SNTG1: variants seen among roughly 807,000 people sequenced by gnomAD.
The protein encoded by SNTG1 is gamma-1-syntrophin.
SNTG1 carries 39 observed loss-of-function variants against 74.7 expected under a neutral mutation model. That is an observed-to-expected ratio of 0.52 (90% CI 0.40 to 0.68). SNTG1 has a LOEUF of 0.68. SNTG1 is among the 30% of genes least tolerant of loss of function. The pLI is 0.00. For synonymous variants in SNTG1, 254 were observed against 217.1 expected (o/e 1.17, Z -1.49); for missense variants, 685 against 609.5 (o/e 1.12, Z -1.30).
intron 2 of SNTG1, among the ~76,000 whole-genome samples, chr8:50,312,435 T>C (rs111405212): frequency 0.068 from 9,452 of 138,860 alleles, 649 homozygotes; most frequent in South Asian, 0.12. Flanking sequence ...AGATAAAACA[T>C]AATATTTTTA....
chr8:49,949,484 T>C (rs545399127), intron 1 of SNTG1, among the ~76,000 whole-genome samples: 2 of 152,312 alleles, frequency 1.3e-5, no homozygotes, highest in East Asian at 3.9e-4. Context: ...CCTGGTATTA[T>C]AGTTGCTATT....
At chr8:50,355,451 A>G (rs2091791839) in intron 2 of SNTG1, among the ~76,000 whole-genome samples, 1 of 152,174 alleles carries the variant, frequency 6.6e-6, no homozygotes, top group African/African-American at 2.4e-5. Context: ...TTATGTTAGT[A>G]TTTTTGGGTG....
At chr8:50,314,243 T>C (rs1272524522) in intron 2 of SNTG1, among the ~76,000 whole-genome samples, 2 of 149,402 alleles carry the variant, frequency 1.3e-5, no homozygotes, top group African/African-American at 5.0e-5. Flanking sequence ...TCCCTCATAC[T>C]ATATGTCTTG....
chr8:49,929,720 A>T (rs934881354), intron 1 of SNTG1, among the ~76,000 whole-genome samples: 14 of 151,614 alleles, frequency 9.2e-5, no homozygotes, highest in Non-Finnish European at 1.5e-4. Flanking sequence ...TTTTTTTTTA[A>T]TTTTTTTTAT....
At chr8:50,150,349 T>C (rs1160267390) in intron 1 of SNTG1, among the ~76,000 whole-genome samples, 1 of 152,190 alleles carries the variant, frequency 6.6e-6, no homozygotes, top group Non-Finnish European at 1.5e-5. Flanking sequence ...ACAGGGACAA[T>C]TTGACTACCT....
chr8:50,440,271 A>G (rs1587637448), intron 5 of SNTG1, among the ~76,000 whole-genome samples: 1 of 152,038 alleles, frequency 6.6e-6, no homozygotes, highest in East Asian at 1.9e-4. Flanking sequence ...CAAGACTTTT[A>G]TTTAGAATAT....
chr8:50,024,830 G>T (rs1467587141), intron 1 of SNTG1, among the ~76,000 whole-genome samples: 2 of 152,126 alleles, frequency 1.3e-5, no homozygotes, highest in Non-Finnish European at 2.9e-5. Context: ...GGATTAGTGG[G>T]TGGGCAAGTA....
intron 2 of SNTG1, among the ~76,000 whole-genome samples, chr8:50,244,128 T>C (rs1421348411): frequency 6.6e-6 from 1 of 152,056 alleles, no homozygotes; most frequent in Admixed American, 6.6e-5. Flanking sequence ...GGAGCAGACA[T>C]GCAGGAGCAA....
intron 15 of SNTG1, among the ~76,000 whole-genome samples, chr8:50,691,639 C>A (rs2095380086): frequency 6.6e-6 from 1 of 152,114 alleles, no homozygotes; most frequent in African/African-American, 2.4e-5. Flanking sequence ...GATGGGCTTC[C>A]CTTTGTGGGT....
chr8:49,975,188 A>C (rs1812075406), intron 1 of SNTG1, among the ~76,000 whole-genome samples: 1 of 152,188 alleles, frequency 6.6e-6, no homozygotes, highest in South Asian at 2.1e-4. Context: ...TTCTTAATAA[A>C]TATAACTGCA....
intron 1 of SNTG1, among the ~76,000 whole-genome samples, chr8:50,107,935 T>A (rs1486958343): frequency 6.6e-6 from 1 of 152,206 alleles, no homozygotes; most frequent in Non-Finnish European, 1.5e-5. Flanking sequence ...TGTGTTAACA[T>A]CACATAATTT....
chr8:50,274,353 C>T (rs1178622028), intron 2 of SNTG1, among the ~76,000 whole-genome samples: 1 of 152,052 alleles, frequency 6.6e-6, no homozygotes, highest in African/African-American at 2.4e-5. Flanking sequence ...TCCCAAAGTG[C>T]TGGGATTGCA....
intron 15 of SNTG1, among the ~76,000 whole-genome samples, chr8:50,689,243 T>G (rs2095366738): frequency 6.6e-6 from 1 of 152,148 alleles, no homozygotes; most frequent in African/African-American, 2.4e-5. Context: ...AGCCTTTATT[T>G]TCTTCTCCTG....
chr8:50,138,198 CA>C lies in SNTG1; in HGVS notation c.-102-34361del, dbSNP rs1421132222. On this transcript the variant is annotated intron_variant, in intron 1 of 18. Coordinates refer to ENST00000642720, the MANE Select transcript of SNTG1 (RefSeq NM_018967.5). ...GACGTCACGGCAAGACACTGCCTCC[CA>C]ACCCCTGAAATTCACACATATGTTT... Among the ~76,000 whole-genome samples, 11 of 152,134 alleles carry C rather than the reference CA, an allele frequency of 7.2e-5. No individual in the cohort carries two copies. The East Asian group carries it at 1.7e-3, about 24-fold the overall frequency.
At chr8:50,278,625 G>A (rs192518358) in intron 2 of SNTG1, among the ~76,000 whole-genome samples, 8 of 151,854 alleles carry the variant, frequency 5.3e-5, no homozygotes, top group Non-Finnish European at 1.0e-4. Context: ...ATATGTTTAG[G>A]GGAAATATAA....
chr8:50,244,987 C>T (rs2086328524), intron 2 of SNTG1, among the ~76,000 whole-genome samples: 2 of 151,966 alleles, frequency 1.3e-5, no homozygotes, highest in Admixed American at 6.6e-5. Flanking sequence ...AAGTAAATGC[C>T]ATTTTTACAT....
intron 1 of SNTG1, among the ~76,000 whole-genome samples, chr8:50,162,573 A>AAG (rs1554592894): frequency 1.3e-5 from 2 of 150,938 alleles, no homozygotes; most frequent in African/African-American, 2.5e-5. Flanking sequence ...AAAAAAAAAA[A>AAG]AAAAGAAAAA....
intron 1 of SNTG1, among the ~76,000 whole-genome samples, chr8:50,122,895 T>A (rs1276330089): frequency 1.4e-5 from 2 of 142,418 alleles, no homozygotes; most frequent in Admixed American, 7.2e-5. Context: ...GCTTTGCATA[T>A]AAAATGGGAA....
At chr8:50,682,326 G>A (rs1456170103) in intron 15 of SNTG1, among the ~76,000 whole-genome samples, 19 of 151,996 alleles carry the variant, frequency 1.3e-4, no homozygotes, top group Admixed American at 4.6e-4. Context: ...CTGGAGTGGC[G>A]GGGTGGGTAG....
Sources: allele counts gnomAD v4.1 joint callset (sites outside exome capture counted in the v4.1 genomes callset), GRCh38; gene constraint gnomAD v4.1.1; transcripts MANE v1.5; gene names NCBI Gene and HGNC (gene_info 2026-07-23, HGNC 2026-07-21).